The following OSBPL5 variants were observed in gnomAD, a reference collection of about 807,000 sequenced individuals.
The protein encoded by OSBPL5 is oxysterol binding protein like 5.
In OSBPL5, 71 loss-of-function variants were observed where a neutral mutation model predicts 111.2. The observed-to-expected ratio is 0.64, with a 90% CI of 0.53 to 0.78. The LOEUF is 0.78. Among genes scored for constraint, OSBPL5 ranks in the 30% least tolerant of loss-of-function variants. The pLI is 0.00. For missense variants in OSBPL5, 1,210 were observed against 1,189.3 expected (o/e 1.02, Z -0.26); for synonymous variants, 549 against 513.9 (o/e 1.07, Z -0.93).
In OSBPL5 at chr11:3,104,727, G is replaced by A. The variant is rs757533138; in HGVS notation, c.1060-350C>T. On this transcript the variant is annotated intron_variant, in intron 9 of 21. Coordinates refer to ENST00000263650, the MANE Select transcript of OSBPL5 (RefSeq NM_020896.4). The surrounding 1 kb of genome is among the most constrained non-coding windows in gnomAD (Gnocchi z 5.0). ...TGCATCGTGGGACCCTGGGCCCAGG[G>A]AACAGAGAGACTGCAGCCCACCCTG... Among the ~76,000 whole-genome samples the A allele has an allele frequency of 3.3e-5, 5 of 152,154 alleles. No homozygotes were observed. The highest frequency in any genetic ancestry group is 7.4e-5 in the Non-Finnish European group (5 of 68,002).
Position 3,089,958 on chromosome 11 carries a change from C to A in OSBPL5, c.2399-10G>T. 1 of 1,525,528 alleles carries A rather than the reference C, an allele frequency of 6.6e-7. No homozygotes were observed. The highest frequency in any genetic ancestry group is 1.4e-5 in the African/African-American group (1 of 72,920). 94.5% of individuals were successfully genotyped at this position (1,525,528 alleles called of 1,614,324 possible). On this transcript the variant is annotated splice_polypyrimidine_tract_variant and intron_variant, in intron 20 of 21. Coordinates refer to ENST00000263650, the MANE Select transcript of OSBPL5 (RefSeq NM_020896.4). ...CATGGGCTCTCACCGCCTGGGACGG[C>A]CCCGAGTGAGACAAAGGAGGGGAGG...
intron 5 of OSBPL5, 44 bp from the exon 6 acceptor site, chr11:3,120,668 C>A (rs1423886977): frequency 6.3e-7 from 1 of 1,598,728 alleles, no homozygotes; most frequent in African/African-American, 1.3e-5. Flanking sequence ...TCTGGGGCCG[C>A]CATCCCTGGG....
In OSBPL5 at chr11:3,107,577, A is replaced by G. The variant is rs529211494; in HGVS notation, c.867-122T>C. 1.4e-4 allele frequency: 196 copies of G among 1,379,780 alleles called. No homozygotes were observed. In the East Asian group the frequency reaches 4.0e-3, roughly 28 times the overall value. 85.5% of individuals were successfully genotyped at this position (1,379,780 alleles called of 1,614,324 possible). On this transcript the variant is annotated intron_variant, in intron 8 of 21. Coordinates refer to ENST00000263650, the MANE Select transcript of OSBPL5 (RefSeq NM_020896.4). The surrounding 1 kb of genome is among the most constrained non-coding windows in gnomAD (Gnocchi z 6.1). ...CGTTCCTGCCTGTCGTCACCTCCAC[A>G]ACCCACATTTGACACGATCAGCCCC... is the stretch of plus-strand genomic sequence containing the variant.
chr11:3,108,236 G>C (rs1277489436), intron 7 of OSBPL5, among the ~76,000 whole-genome samples: 1 of 152,184 alleles, frequency 6.6e-6, no homozygotes, highest in African/African-American at 2.4e-5. Context: ...CCCTGCAGAG[G>C]CACCTGGGGA....
intron 1 of OSBPL5, among the ~76,000 whole-genome samples, chr11:3,147,558 C>T (rs942710394): frequency 6.6e-6 from 1 of 152,248 alleles, no homozygotes; most frequent in Non-Finnish European, 1.5e-5. Flanking sequence ...CTGACCTCTC[C>T]GGAGTGCCGT....
intron 1 of OSBPL5, among the ~76,000 whole-genome samples, chr11:3,132,365 G>A (rs1845838138): frequency 6.6e-6 from 1 of 152,048 alleles, no homozygotes; most frequent in Non-Finnish European, 1.5e-5. Flanking sequence ...GGTCTGTGGA[G>A]CCCTTCTGGA....
intron 3 of OSBPL5, among the ~76,000 whole-genome samples, chr11:3,122,694 G>T (rs1354872801): frequency 6.6e-6 from 1 of 152,234 alleles, no homozygotes; most frequent in Non-Finnish European, 1.5e-5. Context: ...CACATGCTGG[G>T]ATGGGGCAGG....
Position 3,122,038 on chromosome 11 carries a change from G to A in OSBPL5, c.361C>T (p.Leu121=). 6.3e-7 allele frequency: 1 copy of A among 1,582,554 alleles called. No individual in the cohort carries two copies. Among genetic ancestry groups the A allele is most frequent in the Non-Finnish European group, 8.6e-7 (1 of 1,168,840 alleles). The part of the protein sequence containing the change: ...KRATRQLLSA[L]TDPSVVIMAD... ...ATGATGACCACGCTGGGGTCTGTCA[G>A]AGCGCTGAGCAGCTGCCGTGTGGCG... The change falls in exon 5 of 22, where the codon CTG becomes TTG. Residue 121 remains leucine (L), a synonymous_variant. Coordinates refer to ENST00000263650, the MANE Select transcript of OSBPL5 (RefSeq NM_020896.4).
intron 1 of OSBPL5, among the ~76,000 whole-genome samples, chr11:3,147,691 G>A (rs1239628142): frequency 3.9e-5 from 6 of 152,130 alleles, no homozygotes; most frequent in Admixed American, 6.5e-5. Context: ...AGAGGCGGAC[G>A]GCTGGCAGAG....
intron 1 of OSBPL5, among the ~76,000 whole-genome samples, chr11:3,137,848 T>C (rs1000099378): frequency 6.6e-6 from 1 of 152,168 alleles, no homozygotes; most frequent in Non-Finnish European, 1.5e-5. Flanking sequence ...AAACGGCCCA[T>C]CTAAGGTCTC....
chr11:3,098,129 C>A (rs1857336579), intron 14 of OSBPL5, among the ~76,000 whole-genome samples: 1 of 151,542 alleles, frequency 6.6e-6, no homozygotes, highest in African/African-American at 2.4e-5. Context: ...GAAATGAAAC[C>A]AAGTAGAACT....
chr11:3,164,213 G>A (rs1236205090), intron 1 of OSBPL5: 1 of 152,432 alleles, frequency 6.6e-6, no homozygotes, highest in Non-Finnish European at 1.5e-5. Context: ...GACACACAGA[G>A]GGGAGCAAGT....
At position 3,113,265 on chromosome 11, in the gene OSBPL5, T is replaced by C. The variant is rs1858072645; in HGVS notation, c.692-5320A>G. ...TTGCCAGCATATATTTTTGTTTGCA[T>C]TTATTAATCAAGCAATTTCATACTT... On this transcript the variant is annotated intron_variant, in intron 7 of 21. Coordinates refer to ENST00000263650, the MANE Select transcript of OSBPL5 (RefSeq NM_020896.4). The surrounding 1 kb of genome is among the most constrained non-coding windows in gnomAD (Gnocchi z 4.8). Among the ~76,000 whole-genome samples the C allele has an allele frequency of 6.6e-6, 1 of 152,260 alleles. No individual in the cohort carries two copies. The highest frequency in any genetic ancestry group is 1.5e-5 in the Non-Finnish European group (1 of 68,044).
At chr11:3,163,420 G>A (rs574998104) in intron 1 of OSBPL5, among the ~76,000 whole-genome samples, 4 of 149,840 alleles carry the variant, frequency 2.7e-5, no homozygotes, top group African/African-American at 7.3e-5. Flanking sequence ...TCCCCCAAGC[G>A]TTACATGTCA....
intron 14 of OSBPL5, among the ~76,000 whole-genome samples, 183 bp downstream of exon 14, chr11:3,099,975 G>A (rs907377942): frequency 5.8e-5 from 8 of 138,696 alleles, no homozygotes; most frequent in African/African-American, 1.4e-4. Flanking sequence ...CCAAGATCAC[G>A]CCATTGCACT....
rs527979418 is a variant in OSBPL5, at chr11:3,110,014, G to A, written c.692-2069C>T. Among the ~76,000 whole-genome samples the A allele has an allele frequency of 2.0e-5, 3 of 152,078 alleles. No individual in the cohort carries two copies. Among genetic ancestry groups the A allele is most frequent in the Non-Finnish European group, 2.9e-5 (2 of 68,010 alleles). The stretch of plus-strand genomic sequence containing the variant: ...ATGGTTGGTTATCCACCTCACCCAG[G>A]AGCACAGAGGCTGTGGGCTGCCCTG... On this transcript the variant is annotated intron_variant, in intron 7 of 21. Transcript: ENST00000263650. This position sits in a 1 kb window ranked among gnomAD's most constrained non-coding sequence, Gnocchi z 5.3.
rs1418086739 is a variant in OSBPL5, at chr11:3,142,798, C to A, written c.-21-13629G>T. On this transcript the variant is annotated intron_variant, in intron 1 of 21. Transcript: ENST00000263650. The surrounding 1 kb of genome is among the most constrained non-coding windows in gnomAD (Gnocchi z 7.1). The stretch of plus-strand genomic sequence containing the variant: ...CTCCCTTCACCTGGGGATCCCCGAG[C>A]CCCATGCAGCCTTGCGGGTAGAAGG... 6.6e-6 allele frequency among the ~76,000 whole-genome samples: 1 copy of A among 151,978 alleles called. No individual in the cohort carries two copies. Among genetic ancestry groups the A allele is most frequent in the Non-Finnish European group, 1.5e-5 (1 of 67,996 alleles).
chr11:3,108,097 C>T, intron 7 of OSBPL5, 152 bp from the exon 8 acceptor site: 1 of 969,198 alleles, frequency 1.0e-6, no homozygotes, highest in East Asian at 2.6e-5. Context: ...CCAGCAGGGA[C>T]ATGCCCTCCC....
chr11:3,093,257 G>A (rs940824763), intron 17 of OSBPL5: 6 of 735,140 alleles, frequency 8.2e-6, no homozygotes, highest in Middle Eastern at 4.0e-4. Flanking sequence ...CCCATCTCCC[G>A]CCTGCAGGGA....
Sources: allele counts gnomAD v4.1 joint callset (sites outside exome capture counted in the v4.1 genomes callset), GRCh38; gene constraint gnomAD v4.1.1; non-coding constraint Gnocchi (gnomAD v3.1); transcripts MANE v1.5; gene names NCBI Gene and HGNC (gene_info 2026-07-23, HGNC 2026-07-21).